The following MAP3K15 variants were observed in gnomAD, a reference collection of about 807,000 sequenced individuals.
MAP3K15 encodes MAPK/ERK kinase kinase 15.
MAP3K15 carries 124 observed loss-of-function variants against 99.5 expected under a neutral mutation model. The observed-to-expected ratio is 1.25, with a 90% CI of 1.08 to 1.45. MAP3K15 has a LOEUF of 1.45. MAP3K15 is among the 40% of genes most tolerant of loss of function. The pLI is 0.00. For synonymous variants in MAP3K15, 494 were observed against 439.6 expected, an observed-to-expected ratio of 1.12 and a Z score of -1.55; for missense variants, 1,242 against 1,079.7, an observed-to-expected ratio of 1.15 and a Z score of -2.11.
intron 6 of MAP3K15, among the ~76,000 whole-genome samples, chrX:19,450,023 A>G (rs2064026381): frequency 9.1e-6 from 1 of 109,630 alleles, no homozygotes; most frequent in African/African-American, 3.3e-5. Flanking sequence ...GAGTACTCCA[A>G]GTGATACTAC....
At chrX:19,408,911 A>G (rs2063666936) in intron 12 of MAP3K15, among the ~76,000 whole-genome samples, 1 of 111,825 alleles carries the variant, frequency 8.9e-6, no homozygotes, top group Non-Finnish European at 1.9e-5. Flanking sequence ...TTCTTGTAAT[A>G]CCACAATAAA....
rs1468690195 is a variant in MAP3K15, at chrX:19,514,937, C to A, written c.325G>T (p.Gly109Trp). 2.6e-6 allele frequency: 3 copies of A among 1,144,358 alleles called. No homozygotes were observed. The highest frequency in any genetic ancestry group is 2.4e-5 in the Admixed American group (1 of 41,292). The allele number at this position is 1,144,358 out of a possible 1,213,427, so 94.3% of individuals were successfully genotyped here. A position where few individuals can be genotyped will look rare whatever the true frequency, so the allele number is the denominator to read the frequency against. ...TSVPFGELDF[G>W]ETAVLDAFYD... Reference sequence around the variant, plus strand: ...AAGGCGTCGAGCACGGCCGTCTCCCCGAAGTCCAGCTCCCCGAAGGGCACG... The same window carrying A: ...AAGGCGTCGAGCACGGCCGTCTCCCAGAAGTCCAGCTCCCCGAAGGGCACG... Residue 109 changes from glycine (G) to tryptophan (W), a missense_variant, in exon 1 of 29, where the codon GGG becomes TGG. Physicochemically the swap from Gly to Trp is radical, Grantham distance 184. Transcript: ENST00000338883.
In MAP3K15 at chrX:19,374,625, T is replaced by A. The variant is rs1461533788; in HGVS notation, c.2625A>T (p.Glu875Asp). 1 of 1,211,298 alleles carries A rather than the reference T, an allele frequency of 8.3e-7. No individual in the cohort carries two copies. The highest frequency in any genetic ancestry group is 2.2e-5 in the Admixed American group (1 of 45,939). ...GMFKIHPEIP[E>D]ALSAEARAFI... is the part of the protein sequence containing the mutation. ...AGGCTCGGGCTTCAGCTGAAAGGGC[T>A]TCTGGAATCTCAGGGTGGATCTTAA... The change falls in exon 20 of 29, where the codon GAA becomes GAT. Residue 875 changes from glutamate to aspartate, a missense_variant. Transcript: ENST00000338883.
At chrX:19,419,588 T>A (rs1305992679) in intron 9 of MAP3K15, among the ~76,000 whole-genome samples, 1 of 110,962 alleles carries the variant, frequency 9.0e-6, no homozygotes, top group Non-Finnish European at 1.9e-5. Context: ...ACAATAATAA[T>A]GGGAGACTTT....
intron 18 of MAP3K15, among the ~76,000 whole-genome samples, chrX:19,391,568 G>A (rs1438290602): frequency 1.9e-5 from 2 of 106,247 alleles, no homozygotes; most frequent in Non-Finnish European, 3.9e-5. Context: ...CAAGCTACTT[G>A]GGAGGCTGAG....
intron 1 of MAP3K15, among the ~76,000 whole-genome samples, chrX:19,506,422 C>A (rs950371783): frequency 1.8e-5 from 2 of 112,066 alleles, no homozygotes; most frequent in East Asian, 2.8e-4. Flanking sequence ...CTTTATACCC[C>A]ACAATGACTC....
At chrX:19,388,179 G>A (rs2063504946) in intron 18 of MAP3K15, among the ~76,000 whole-genome samples, 1 of 112,241 alleles carries the variant, frequency 8.9e-6, no homozygotes, top group Non-Finnish European at 1.9e-5. Context: ...TTGAGACAGG[G>A]TCTTGCTCTG....
At chrX:19,508,927 T>C (rs977816892) in intron 1 of MAP3K15, among the ~76,000 whole-genome samples, 1 of 111,769 alleles carries the variant, frequency 8.9e-6, no homozygotes, top group Non-Finnish European at 1.9e-5. Flanking sequence ...AAAATAAATA[T>C]TTAAAAATAA....
At position 19,464,583 on chromosome X, in the gene MAP3K15, C is replaced by T. The variant is rs191396096; in HGVS notation, c.526-177G>A. 3.7e-3 allele frequency among the ~76,000 whole-genome samples: 408 copies of T among 111,389 alleles called. 2 individuals are homozygous for T. The highest frequency in any genetic ancestry group is 0.013 in the African/African-American group (402 of 30,692). On this transcript the variant is annotated intron_variant, in intron 3 of 28. Coordinates refer to ENST00000338883, the MANE Select transcript of MAP3K15 (RefSeq NM_001001671.4). Reference sequence around the variant, plus strand: ...AGGAAACCGCTCGATTTCAAAAGCTCTACCACGTAGATATATGACAAAAAT... The same window carrying T: ...AGGAAACCGCTCGATTTCAAAAGCTTTACCACGTAGATATATGACAAAAAT...
intron 16 of MAP3K15, 65 bp downstream of exon 16, chrX:19,395,016 C>T: frequency 8.7e-7 from 1 of 1,149,489 alleles, no homozygotes; most frequent in South Asian, 1.8e-5. Context: ...AATGGCAGGA[C>T]AACAAATGAC....
intron 3 of MAP3K15, among the ~76,000 whole-genome samples, chrX:19,479,042 CCT>C (rs1451665170): frequency 9.0e-6 from 1 of 111,392 alleles, no homozygotes; most frequent in Non-Finnish European, 1.9e-5. Flanking sequence ...TATAGCAGTA[CCT>C]CTAAGCCTTG....
chrX:19,406,930 A>AC (rs1199981843), intron 13 of MAP3K15, among the ~76,000 whole-genome samples: 4 of 111,472 alleles, frequency 3.6e-5, no homozygotes, highest in African/African-American at 9.8e-5. Flanking sequence ...CAAACTCCTA[A>AC]CCTCAGGTGA....
intron 25 of MAP3K15, among the ~76,000 whole-genome samples, chrX:19,367,941 G>C (rs1265018867): frequency 2.8e-5 from 3 of 105,716 alleles, no homozygotes; most frequent in Non-Finnish European, 5.8e-5. Flanking sequence ...TAGAGACGGG[G>C]TTTCACCATA....
chrX:19,429,760 AAGAGAGAGAGAGAGAGAGAG>A lies in MAP3K15; in HGVS notation c.1166+1658_1166+1677del, dbSNP rs369383239. Among the ~76,000 whole-genome samples the A allele has an allele frequency of 5.4e-3, 178 of 33,206 alleles. 2 individuals carry two copies. Among genetic ancestry groups the A allele is most frequent in the East Asian group, 8.5e-3 (5 of 591 alleles). The allele number at this position is 33,206 out of a possible 115,157, so 28.8% of individuals were successfully genotyped here. A position where few individuals can be genotyped will look rare whatever the true frequency, so the allele number is the denominator to read the frequency against. On this transcript the variant is annotated intron_variant, in intron 7 of 28. Coordinates refer to ENST00000338883, the MANE Select transcript of MAP3K15 (RefSeq NM_001001671.4). ...CAGAGCCTCCTGTGTGTATGAAAGG[AAGAGAGAGAGAGAGAGAGAG>A]AGAGAGAGAGAGAGAGAGAGAGAGA...
chrX:19,482,177 C>G (rs1205216416), intron 3 of MAP3K15: 1 of 62,529 alleles, frequency 1.6e-5, no homozygotes, highest in Non-Finnish European at 2.4e-5. Flanking sequence ...GAGATTCCAG[C>G]TCAAAAAAAA....
chrX:19,501,380 A>G (rs7881639), intron 1 of MAP3K15, among the ~76,000 whole-genome samples: 1,266 of 112,389 alleles, frequency 0.011, 14 homozygotes, highest in African/African-American at 0.039. Context: ...AACTGAAACC[A>G]CTACTTCCAT....
chrX:19,408,796 A>G (rs1318067375), intron 12 of MAP3K15, among the ~76,000 whole-genome samples: 1 of 112,249 alleles, frequency 8.9e-6, no homozygotes, highest in Non-Finnish European at 1.9e-5. Flanking sequence ...GATGGACCAG[A>G]TAACATTTAA....
intron 3 of MAP3K15, among the ~76,000 whole-genome samples, chrX:19,483,517 T>C (rs1405072466): frequency 9.0e-6 from 1 of 111,374 alleles, no homozygotes. Flanking sequence ...GGGTGTGGCA[T>C]CTAATTCGTA....
chrX:19,469,135 C>G (rs1177687762), intron 3 of MAP3K15, among the ~76,000 whole-genome samples: 1 of 111,393 alleles, frequency 9.0e-6, no homozygotes, highest in African/African-American at 3.3e-5. Context: ...CATCACGCTA[C>G]CTGACTTCAA....
Sources: gnomAD v4.1 joint callset for allele counts (sites outside exome capture counted in the v4.1 genomes callset) on GRCh38, gnomAD v4.1.1 for gene constraint, MANE v1.5 for transcripts, NCBI Gene and HGNC (gene_info 2026-07-23, HGNC 2026-07-21) for gene names.